SPATA17: variants seen among roughly 807,000 people sequenced by gnomAD.
The protein encoded by SPATA17 is spermatogenesis-associated protein 17.
Under a neutral mutation model 62.2 loss-of-function variants are expected in SPATA17, and 53 were observed. The ratio of observed to expected loss-of-function variants is 0.85; its 90% CI spans 0.68 to 1.07. SPATA17 has a LOEUF of 1.07. Ranked by LOEUF, SPATA17 falls within the 50% of genes least tolerant of loss-of-function variation. The pLI is 0.00. For synonymous variants in SPATA17, 146 were observed against 146.8 expected, an observed-to-expected ratio of 0.99 and a Z score of 0.04; for missense variants, 466 against 425.5, an observed-to-expected ratio of 1.10 and a Z score of -0.84.
chr1:217,859,248 G>A (rs1420071210), intron 9 of SPATA17, among the ~76,000 whole-genome samples: 5 of 144,852 alleles, frequency 3.5e-5, no homozygotes, highest in Admixed American at 6.9e-5. Flanking sequence ...TATATATTAT[G>A]TATATAAATA....
chr1:217,803,017 A>T (rs1674348818), intron 9 of SPATA17, among the ~76,000 whole-genome samples: 1 of 152,002 alleles, frequency 6.6e-6, no homozygotes, highest in Admixed American at 6.6e-5. Flanking sequence ...GATTCAAGTG[A>T]TTCTCCTGCC....
chr1:217,741,514 G>A (rs1378188866), intron 5 of SPATA17, among the ~76,000 whole-genome samples: 1 of 152,086 alleles, frequency 6.6e-6, no homozygotes, highest in Admixed American at 6.6e-5. Flanking sequence ...AATAAATTAA[G>A]TGTATGTATA....
At chr1:217,718,528 G>C (rs141220973) in intron 5 of SPATA17, among the ~76,000 whole-genome samples, 1 of 152,186 alleles carries the variant, frequency 6.6e-6, no homozygotes, top group Non-Finnish European at 1.5e-5. Context: ...GACTGATAGT[G>C]ACCCAGGAAC....
In SPATA17 at chr1:217,786,876, A is replaced by G. The variant is rs148728631; in HGVS notation, c.872+4554A>G. ...GATTTTAACTACCACCTCTATGCCA[A>G]TGATTTCCATTTTAAATCTGTACAA... On this transcript the variant is annotated intron_variant, in intron 8 of 10. Coordinates refer to ENST00000366933, the MANE Select transcript of SPATA17 (RefSeq NM_138796.4). Among the ~76,000 whole-genome samples the G allele has an allele frequency of 4.1e-4, 62 of 151,442 alleles. 1 individual carries two copies. The East Asian group carries it at 0.011, about 27-fold the overall frequency.
chr1:217,824,646 T>C (rs1364567862), intron 9 of SPATA17, among the ~76,000 whole-genome samples: 2 of 151,090 alleles, frequency 1.3e-5, no homozygotes, highest in Middle Eastern at 7.9e-3. Context: ...TTTGTATTCA[T>C]ATATTCATGT....
At chr1:217,826,611 G>C (rs1675007315) in intron 9 of SPATA17, among the ~76,000 whole-genome samples, 1 of 151,964 alleles carries the variant, frequency 6.6e-6, no homozygotes, top group South Asian at 2.1e-4. Context: ...GTCATAGTGA[G>C]GGTTGGTATT....
chr1:217,648,852 A>C, intron 1 of SPATA17, 30 bp from the exon 2 acceptor site: 1 of 1,444,756 alleles, frequency 6.9e-7, no homozygotes, highest in Non-Finnish European at 9.6e-7. Context: ...TTAGTTACTA[A>C]TGAAGTGCTT....
At chr1:217,702,887 C>T (rs549491046) in intron 5 of SPATA17, among the ~76,000 whole-genome samples, 33 of 145,736 alleles carry the variant, frequency 2.3e-4, no homozygotes, top group African/African-American at 8.0e-4. Flanking sequence ...TATTTCATTA[C>T]TTTTTTTTTT....
chr1:217,817,152 A>T (rs1034759824), intron 9 of SPATA17, among the ~76,000 whole-genome samples: 2 of 152,108 alleles, frequency 1.3e-5, no homozygotes, highest in Non-Finnish European at 2.9e-5. Context: ...AGGATATTTA[A>T]TAAGTGTATC....
chr1:217,849,054 A>C (rs1171610858), intron 9 of SPATA17, among the ~76,000 whole-genome samples: 1 of 152,170 alleles, frequency 6.6e-6, no homozygotes, highest in African/African-American at 2.4e-5. Context: ...CTTCTTAGAA[A>C]GTTTATTTTA....
chr1:217,709,704 A>G lies in SPATA17; in HGVS notation c.395+26343A>G, dbSNP rs189901514. 2.4e-3 allele frequency among the ~76,000 whole-genome samples: 364 copies of G among 152,316 alleles called. 5 individuals carry two copies. The highest frequency in any genetic ancestry group is 3.4e-3 in the Middle Eastern group (1 of 294). ...ACCAGAGTGGGGATCATTGGAGACCATTTTAGAGGCAGTCTTGTCTTTCAC... is the reference window on the plus strand; with the variant it reads ...ACCAGAGTGGGGATCATTGGAGACCGTTTTAGAGGCAGTCTTGTCTTTCAC... On this transcript the variant is annotated intron_variant, in intron 5 of 10. Transcript: ENST00000366933.
At chr1:217,823,463 A>T (rs1388033175) in intron 9 of SPATA17, among the ~76,000 whole-genome samples, 1 of 151,892 alleles carries the variant, frequency 6.6e-6, no homozygotes, top group African/African-American at 2.4e-5. Flanking sequence ...AGTTCTAAGC[A>T]TCTATTTTTT....
chr1:217,775,160 G>A (rs754636928), intron 7 of SPATA17, among the ~76,000 whole-genome samples: 1 of 152,086 alleles, frequency 6.6e-6, no homozygotes, highest in Non-Finnish European at 1.5e-5. Flanking sequence ...TTGCAGTTTT[G>A]ATTTGCATTT....
At chr1:217,685,496 A>G (rs562195869) in intron 5 of SPATA17, among the ~76,000 whole-genome samples, 1 of 152,138 alleles carries the variant, frequency 6.6e-6, no homozygotes, top group African/African-American at 2.4e-5. Context: ...CCATTCTATT[A>G]TTTCTAGCTC....
At chr1:217,773,530 AAAC>A (rs1673507758) in intron 6 of SPATA17, among the ~76,000 whole-genome samples, 1 of 152,142 alleles carries the variant, frequency 6.6e-6, no homozygotes, top group South Asian at 2.1e-4. Flanking sequence ...TTGTATATTC[AAAC>A]AACATTAAAT....
intron 9 of SPATA17, among the ~76,000 whole-genome samples, chr1:217,859,360 A>G (rs1281219698): frequency 2.0e-5 from 3 of 150,200 alleles, no homozygotes; most frequent in African/African-American, 7.3e-5. Context: ...TATAATTTCT[A>G]TAGGTTTATA....
At chr1:217,754,198 G>C (rs979937988) in intron 6 of SPATA17, among the ~76,000 whole-genome samples, 3 of 152,028 alleles carry the variant, frequency 2.0e-5, no homozygotes, top group Admixed American at 1.3e-4. Flanking sequence ...TCGCGCCACT[G>C]TACTCCAGCC....
At chr1:217,645,159 G>A (rs1422798639) in intron 1 of SPATA17, among the ~76,000 whole-genome samples, 4 of 151,972 alleles carry the variant, frequency 2.6e-5, no homozygotes, top group Admixed American at 6.6e-5. Context: ...TTAATTTTTA[G>A]TGCCTCCTTC....
At position 217,683,288 on chromosome 1, in the gene SPATA17, C is replaced by T. The variant is rs146794589; in HGVS notation, c.322C>T (p.Arg108Trp). The T allele has an allele frequency of 8.7e-6, 14 of 1,609,782 alleles. No individual in the cohort carries two copies. Among genetic ancestry groups the T allele is most frequent in the East Asian group, 4.5e-5 (2 of 44,576 alleles). ...GAGACGATGGCGAGGCTATAGGGTTCGGAAGTACCTCTTTAATTATTATTA... is the reference window on the plus strand; with the variant it reads ...GAGACGATGGCGAGGCTATAGGGTTTGGAAGTACCTCTTTAATTATTATTA... ...IQRRWRGYRV[R>W]KYLFNYYYLK... is the part of the protein sequence containing the mutation. Residue 108 changes from arginine (R) to tryptophan (W), a missense_variant, in exon 5 of 11, where the codon CGG (arginine) becomes TGG (tryptophan). Arg to Trp is a moderately radical substitution (Grantham distance 101, BLOSUM62 -3). Coordinates refer to ENST00000366933, the MANE Select transcript of SPATA17 (RefSeq NM_138796.4).
Sources: gnomAD v4.1 joint callset for allele counts (sites outside exome capture counted in the v4.1 genomes callset) on GRCh38, gnomAD v4.1.1 for gene constraint, MANE v1.5 for transcripts, NCBI Gene and HGNC (gene_info 2026-07-23, HGNC 2026-07-21) for gene names.